Variants in NEXMIF observed in about 807,000 individuals in gnomAD.
NEXMIF encodes the protein neurite extension and migration factor.
NEXMIF carries 8 observed loss-of-function variants against 62.1 expected under a neutral mutation model. The ratio of observed to expected loss-of-function variants is 0.13; its 90% CI spans 0.08 to 0.23. The LOEUF is 0.23. Ranked by LOEUF, NEXMIF falls within the 10% of genes least tolerant of loss-of-function variation. The probability of loss-of-function intolerance (pLI) is 1.00; values close to 1 mark genes in which losing one functional copy is unlikely to be tolerated. For missense variants in NEXMIF, 976 were observed against 1,113.3 expected, an observed-to-expected ratio of 0.88 and a Z score of 1.75; for synonymous variants, 404 against 416.6, an observed-to-expected ratio of 0.97 and a Z score of 0.37.
chrX:74,904,684 T>C (rs1302574068), intron 1 of NEXMIF, among the ~76,000 whole-genome samples: 2 of 111,459 alleles, frequency 1.8e-5, no homozygotes, highest in Non-Finnish European at 3.8e-5. Context: ...AAATTGCAGT[T>C]CTAGGTTTCC....
intron 1 of NEXMIF, among the ~76,000 whole-genome samples, chrX:74,785,428 GAC>G (rs1358352589): frequency 2.7e-5 from 3 of 110,366 alleles, no homozygotes; most frequent in Admixed American, 9.7e-5. Flanking sequence ...TTTTAGCTCT[GAC>G]AGACATTAAC....
chrX:74,755,621 C>T lies in NEXMIF; in HGVS notation c.-47-9924G>A, dbSNP rs369442000. Among the ~76,000 whole-genome samples, 84 of 111,777 alleles carry T rather than the reference C, an allele frequency of 7.5e-4. 1 individual carries two copies. The highest frequency in any genetic ancestry group is 1.5e-3 in the Non-Finnish European group (79 of 53,220). On this transcript the variant is annotated intron_variant, in intron 1 of 3. Transcript: ENST00000055682. ...TGATCACTCCATGAAGATAAGTGCA[C>T]TTCCCACTTAACTCTGGACTTGCTT...
At chrX:74,922,098 C>T (rs1178807546) in intron 1 of NEXMIF, among the ~76,000 whole-genome samples, 2 of 111,419 alleles carry the variant, frequency 1.8e-5, no homozygotes, top group African/African-American at 6.5e-5. Context: ...CCATAGTGAC[C>T]GTGTCCAGGA....
chrX:74,843,159 T>G (rs1393673283), intron 1 of NEXMIF, among the ~76,000 whole-genome samples: 1 of 111,961 alleles, frequency 8.9e-6, no homozygotes, highest in Non-Finnish European at 1.9e-5. Context: ...GGTGCTCCTG[T>G]GTTGGGTGCA....
intron 1 of NEXMIF, among the ~76,000 whole-genome samples, chrX:74,799,261 G>A (rs769552908): frequency 3.6e-5 from 4 of 111,231 alleles, no homozygotes; most frequent in African/African-American, 1.3e-4. Context: ...TGTTATCTGT[G>A]TGTAGCAGAG....
intron 1 of NEXMIF, among the ~76,000 whole-genome samples, chrX:74,859,280 C>A (rs1297275519): frequency 9.0e-6 from 1 of 111,712 alleles, no homozygotes; most frequent in Non-Finnish European, 1.9e-5. Flanking sequence ...AGAAACAACA[C>A]ACAATAAAGC....
intron 1 of NEXMIF, among the ~76,000 whole-genome samples, chrX:74,873,568 T>C (rs887906477): frequency 8.9e-6 from 1 of 112,071 alleles, no homozygotes; most frequent in Non-Finnish European, 1.9e-5. Flanking sequence ...AACACCACAC[T>C]GACTTCCACA....
At chrX:74,884,480 G>C (rs2080681748) in intron 1 of NEXMIF, among the ~76,000 whole-genome samples, 1 of 111,310 alleles carries the variant, frequency 9.0e-6, no homozygotes, top group Admixed American at 9.6e-5. Flanking sequence ...AACAAAAAAA[G>C]GCAGGGGTTG....
chrX:74,807,209 A>AT (rs1484978000), intron 1 of NEXMIF, among the ~76,000 whole-genome samples: 24 of 111,574 alleles, frequency 2.2e-4, no homozygotes, highest in African/African-American at 7.5e-4. Context: ...ATCTCCTTTG[A>AT]TTTTTTTCAT....
At chrX:74,851,559 G>A (rs1050100197) in intron 1 of NEXMIF, among the ~76,000 whole-genome samples, 41 of 107,793 alleles carry the variant, frequency 3.8e-4, no homozygotes, top group African/African-American at 1.3e-3. Flanking sequence ...GGCCAGAAGA[G>A]AATGGGATGA....
chrX:74,830,775 G>A (rs757665290), intron 1 of NEXMIF, among the ~76,000 whole-genome samples: 1 of 111,322 alleles, frequency 9.0e-6, no homozygotes, highest in African/African-American at 3.3e-5. Flanking sequence ...CACTTCTTTG[G>A]TTAAATTAAT....
intron 1 of NEXMIF, among the ~76,000 whole-genome samples, chrX:74,796,162 T>TAAA (rs1491430745): frequency 2.5e-5 from 1 of 40,189 alleles, no homozygotes; most frequent in African/African-American, 7.1e-5. Flanking sequence ...TACATATATA[T>TAAA]TATATATATT....
intron 1 of NEXMIF, among the ~76,000 whole-genome samples, chrX:74,852,606 A>G (rs1413489617): frequency 8.9e-6 from 1 of 112,038 alleles, no homozygotes; most frequent in Non-Finnish European, 1.9e-5. Flanking sequence ...TCATATCAAG[A>G]TCACAATGGT....
At chrX:74,781,769 A>G (rs866322012) in intron 1 of NEXMIF, among the ~76,000 whole-genome samples, 34 of 64,361 alleles carry the variant, frequency 5.3e-4, no homozygotes, top group South Asian at 1.5e-3. Context: ...TCTTACCAGG[A>G]TGTGGTGTAG....
rs1311915085 is a variant in NEXMIF, at chrX:74,736,791, T to C, written c.*2614A>G. ...GGTTATGCGTCACTAATTTATATAT[T>C]AAAAACATATAATACACTGCAGGCC... On this transcript the variant is annotated 3_prime_UTR_variant, in exon 4 of 4. Transcript: ENST00000055682. 8.9e-6 allele frequency: 1 copy of C among 112,415 alleles called. No individual in the cohort carries two copies. Among genetic ancestry groups the C allele is most frequent in the African/African-American group, 3.2e-5 (1 of 30,855 alleles). The allele number at this position is 112,415 out of a possible 1,213,427, so 9.3% of individuals were successfully genotyped here.
At chrX:74,850,521 C>T (rs2080509315) in intron 1 of NEXMIF, among the ~76,000 whole-genome samples, 1 of 112,004 alleles carries the variant, frequency 8.9e-6, no homozygotes, top group Non-Finnish European at 1.9e-5. Context: ...GACATTCCTA[C>T]CTGGCATCCC....
At chrX:74,844,064 T>C (rs1015418545) in intron 1 of NEXMIF, among the ~76,000 whole-genome samples, 4 of 112,101 alleles carry the variant, frequency 3.6e-5, no homozygotes, top group African/African-American at 9.7e-5. Context: ...GGATATGAAA[T>C]TCTTGGTTGA....
intron 1 of NEXMIF, among the ~76,000 whole-genome samples, chrX:74,907,856 A>T: frequency 9.0e-6 from 1 of 111,635 alleles, no homozygotes. Flanking sequence ...TGTCTCCCTC[A>T]GCTGGCCATC....
intron 1 of NEXMIF, among the ~76,000 whole-genome samples, chrX:74,888,212 C>A (rs866059103): frequency 6.5e-5 from 7 of 108,211 alleles, no homozygotes; most frequent in Non-Finnish European, 1.3e-4. Context: ...ATGGGTGCAG[C>A]ACACAAACAT....
Sources: gnomAD v4.1 joint callset for allele counts (sites outside exome capture counted in the v4.1 genomes callset) on GRCh38, gnomAD v4.1.1 for gene constraint, MANE v1.5 for transcripts, NCBI Gene and HGNC (gene_info 2026-07-23, HGNC 2026-07-21) for gene names.